Variants in LEPR observed in about 807,000 individuals in gnomAD.
LEPR encodes the protein OB receptor.
LEPR carries 56 observed loss-of-function variants against 114.7 expected under a neutral mutation model. The observed-to-expected ratio is 0.49, with a 90% confidence interval of 0.39 to 0.61. The LOEUF (loss-of-function observed/expected upper bound fraction) is 0.61. LEPR is among the 20% of genes least tolerant of loss of function. LEPR has a pLI of 0.00. For missense variants in LEPR, 1,202 were observed against 1,352.9 expected (o/e 0.89, Z 1.75); for synonymous variants, 443 against 461.4 (o/e 0.96, Z 0.51).
Position 65,610,041 on chromosome 1 carries a change from T to C in LEPR, c.1847T>C (p.Leu616Pro). 1 of 1,614,206 alleles carries C rather than the reference T, an allele frequency of 6.2e-7. No individual in the cohort carries two copies. The highest frequency in any genetic ancestry group is 8.5e-7 in the Non-Finnish European group (1 of 1,180,034). Residue 616 changes from leucine (L) to proline (P), a missense_variant, in exon 13 of 20, where the codon CTA becomes CCA. By Grantham distance (98) the Leu-to-Pro change is moderately conservative (BLOSUM62 -3). Transcript: ENST00000349533. ...VYAVQVRCKRLDGLGYWSNWS... is the reference protein window; with the variant it reads ...VYAVQVRCKRPDGLGYWSNWS... ...GCTGTTCAGGTGCGCTGTAAGAGGC[T>C]AGATGGACTGGGATATTGGAGTAAT...
chr1:65,572,559 A>G (rs1654276499), intron 5 of LEPR, 110 bp downstream of exon 5: 4 of 1,147,662 alleles, frequency 3.5e-6, no homozygotes, highest in East Asian at 5.1e-5. Context: ...TTCCTATTAT[A>G]TGTTTTATTT....
At chr1:65,548,940 C>T (rs954950179) in intron 2 of LEPR, among the ~76,000 whole-genome samples, 9 of 152,190 alleles carry the variant, frequency 5.9e-5, no homozygotes, top group African/African-American at 2.2e-4. Context: ...TTTGCAGTGG[C>T]TGGTACCAGT....
At position 65,547,639 on chromosome 1, in the gene LEPR, A is replaced by G. The variant is rs1265668561; in HGVS notation, c.-20-17907A>G. Among the ~76,000 whole-genome samples, 1,328 of 144,544 alleles carry G rather than the reference A, an allele frequency of 9.2e-3. 26 individuals are homozygous for G. Among genetic ancestry groups the G allele is most frequent in the African/African-American group, 0.032 (1,243 of 38,412 alleles). The allele number at this position is 144,544 out of a possible 152,430, so 94.8% of individuals were successfully genotyped here. Reference sequence around the variant, plus strand: ...TCTGATGGTAGTTTGTATTTCTGTGAGATCGGTGGTGATATCCCCTTTATC... The same window carrying G: ...TCTGATGGTAGTTTGTATTTCTGTGGGATCGGTGGTGATATCCCCTTTATC... On this transcript the variant is annotated intron_variant, in intron 2 of 19. Transcript: ENST00000349533.
intron 10 of LEPR, 72 bp downstream of exon 10, chr1:65,602,032 A>G (rs1393340706): frequency 1.6e-6 from 2 of 1,245,598 alleles, no homozygotes; most frequent in African/African-American, 1.5e-5. Context: ...GAAATATTAC[A>G]ACAGTAGTCT....
chr1:65,526,272 C>G (rs1649962098), intron 2 of LEPR: 1 of 985,362 alleles, frequency 1.0e-6, no homozygotes, highest in African/African-American at 1.7e-5. Context: ...TGGTTTAGAC[C>G]TCAGCTTTTG....
At chr1:65,545,762 G>A (rs1570654552) in intron 2 of LEPR, among the ~76,000 whole-genome samples, 1 of 152,056 alleles carries the variant, frequency 6.6e-6, no homozygotes, top group African/African-American at 2.4e-5. Flanking sequence ...TAGGTTGCCT[G>A]TTCACTCTGA....
intron 12 of LEPR, among the ~76,000 whole-genome samples, chr1:65,609,519 A>G (rs945259718): frequency 6.6e-6 from 1 of 152,258 alleles, no homozygotes; most frequent in African/African-American, 2.4e-5. Context: ...AATGATATCA[A>G]CTAAAACAAA....
intron 6 of LEPR, among the ~76,000 whole-genome samples, chr1:65,593,503 A>C (rs1022033006): frequency 1.3e-5 from 2 of 152,092 alleles, no homozygotes; most frequent in African/African-American, 4.8e-5. Context: ...TTAATTTATT[A>C]ATTTCATTTA....
chr1:65,452,325 A>G (rs1646797626), intron 2 of LEPR, among the ~76,000 whole-genome samples: 1 of 149,570 alleles, frequency 6.7e-6, no homozygotes, highest in East Asian at 2.0e-4. Flanking sequence ...GTTGAATAGG[A>G]GTGGTGAGAG....
rs150247994 is a variant in LEPR at position 65,621,442 on chromosome 1, T to C, written c.2581T>C (p.Leu861=). The C allele has an allele frequency of 1.2e-6, 2 of 1,612,726 alleles. No homozygotes were observed. The highest frequency in any genetic ancestry group is 1.7e-6 in the Non-Finnish European group (2 of 1,179,178). The change falls in exon 18 of 20, where the codon TTA becomes CTA. Residue 861 remains leucine, a synonymous_variant. Transcript: ENST00000349533. ...SSSILLLGTL[L]ISHQRMKKLF... is the part of the protein sequence containing the mutation. ...TTCCATCTTATTGCTTGGAACATTA[T>C]TAATATCACACCAAAGGTATTGTAC... is the stretch of plus-strand genomic sequence containing the variant.
At chr1:65,528,844 G>A (rs1023076440) in intron 2 of LEPR, among the ~76,000 whole-genome samples, 4 of 151,936 alleles carry the variant, frequency 2.6e-5, no homozygotes, top group East Asian at 1.9e-4. Context: ...TTGCTCTGTC[G>A]CCCAGGTTGG....
chr1:65,496,135 T>C (rs979758090), intron 2 of LEPR, among the ~76,000 whole-genome samples: 2 of 152,214 alleles, frequency 1.3e-5, no homozygotes, highest in African/African-American at 4.8e-5. Context: ...ACATTGTATA[T>C]ACTTGTATCA....
At chr1:65,572,763 G>A (rs1654293206) in intron 5 of LEPR, among the ~76,000 whole-genome samples, 1 of 152,126 alleles carries the variant, frequency 6.6e-6, no homozygotes, top group Admixed American at 6.5e-5. Flanking sequence ...GAACACTCTG[G>A]GGGCCTTAAA....
chr1:65,421,262 C>A (rs1455143171), intron 1 of LEPR: 5 of 1,447,152 alleles, frequency 3.5e-6, no homozygotes, highest in East Asian at 2.5e-5. Context: ...TTCTCGCAGT[C>A]GTGGAGAGTA....
At chr1:65,472,294 G>A (rs1350215311) in intron 2 of LEPR, among the ~76,000 whole-genome samples, 1 of 151,882 alleles carries the variant, frequency 6.6e-6, no homozygotes, top group East Asian at 1.9e-4. Flanking sequence ...TCATAAACAG[G>A]GCTGTCATTT....
intron 2 of LEPR, among the ~76,000 whole-genome samples, chr1:65,511,870 G>T (rs1277789263): frequency 6.6e-6 from 1 of 152,192 alleles, no homozygotes; most frequent in East Asian, 1.9e-4. Context: ...TGCAACTCGG[G>T]TTAGTGTATT....
In LEPR at chr1:65,605,122, T is replaced by C. The variant is rs1656728541; in HGVS notation, c.1488T>C (p.Tyr496=). 1 of 1,614,056 alleles carries C rather than the reference T, an allele frequency of 6.2e-7. No individual in the cohort carries two copies. The highest frequency in any genetic ancestry group is 1.7e-5 in the Admixed American group (1 of 60,010). Residue 496 remains tyrosine, a synonymous_variant, in exon 11 of 20, where the codon TAT becomes TAC. Coordinates refer to ENST00000349533, the MANE Select transcript of LEPR (RefSeq NM_002303.6). ...KDCYLQSDGF[Y]ECIFQPIFLL... The stretch of plus-strand genomic sequence containing the variant: ...GCTATTTGCAGAGTGATGGTTTTTA[T>C]GAATGCATTTTCCAGCCAATCTTCC...
At chr1:65,431,006 G>C (rs902611846) in intron 2 of LEPR, among the ~76,000 whole-genome samples, 10 of 152,300 alleles carry the variant, frequency 6.6e-5, no homozygotes, top group African/African-American at 2.4e-4. Flanking sequence ...GTGTGGTAGA[G>C]CTAAAAGAAA....
chr1:65,433,672 T>C (rs1408004248), intron 2 of LEPR: 6 of 983,838 alleles, frequency 6.1e-6, no homozygotes, highest in Non-Finnish European at 7.2e-6. Flanking sequence ...TGTGTACATA[T>C]AGAATTGTTA....
Sources: allele counts gnomAD v4.1 joint callset (sites outside exome capture counted in the v4.1 genomes callset), GRCh38; gene constraint gnomAD v4.1.1; transcripts MANE v1.5; gene names NCBI Gene and HGNC (gene_info 2026-07-23, HGNC 2026-07-21).